Variants in DOCK3 observed in about 807,000 individuals in gnomAD.
The protein encoded by DOCK3 is dedicator of cytokinesis 3.
Under a neutral mutation model 265.6 loss-of-function variants are expected in DOCK3, and 60 were observed. The ratio of observed to expected loss-of-function variants is 0.23; its 90% CI spans 0.18 to 0.28. The LOEUF (loss-of-function observed/expected upper bound fraction) is 0.28. Among genes scored for constraint, DOCK3 ranks in the 10% least tolerant of loss-of-function variants. DOCK3 has a pLI of 1.00. For missense variants in DOCK3, 1,981 were observed against 2,594.3 expected (o/e 0.76, Z 5.14); for synonymous variants, 881 against 938.0 (o/e 0.94, Z 1.11).
In DOCK3 at chr3:51,046,838, CT is replaced by C. The variant is rs560004774; in HGVS notation, c.316-17608del. On this transcript the variant is annotated intron_variant, in intron 5 of 52. Transcript: ENST00000266037. ...AGATCACAAAATAAGTCTTAACACA[CT>C]TAAGAAGTTTGAAATCACTTTAAAT... Among the ~76,000 whole-genome samples, 15 of 152,020 alleles carry C rather than the reference CT, an allele frequency of 9.9e-5. No individual in the cohort carries two copies. The East Asian group carries it at 1.5e-3, about 16-fold the overall frequency.
At position 50,965,594 on chromosome 3, in the gene DOCK3, G is replaced by A. The variant is rs562515259; in HGVS notation, c.315+31517G>A. Among the ~76,000 whole-genome samples, 12 of 152,066 alleles carry A rather than the reference G, an allele frequency of 7.9e-5. No homozygotes were observed. The South Asian group carries it at 1.2e-3, about 16-fold the overall frequency. ...ACTAAGGCTTACTGAAGAAATAGGT[G>A]ATCTATTTCTGTATATAATAACTGT... On this transcript the variant is annotated intron_variant, in intron 5 of 52. Coordinates refer to ENST00000266037, the MANE Select transcript of DOCK3 (RefSeq NM_004947.5).
chr3:51,280,192 A>C lies in DOCK3; in HGVS notation c.2910A>C (p.Lys970Asn), dbSNP rs769731669. Residue 970 changes from lysine (K) to asparagine (N), a missense_variant, in exon 27 of 53, where the codon AAA becomes AAC. Physicochemically the swap from Lys to Asn is moderately conservative, Grantham distance 94. Around this residue, in one of 4 missense-constraint regions of DOCK3, gnomAD observed 1,357 missense variants for 1,866.8 expected, o/e 0.73. Coordinates refer to ENST00000266037, the MANE Select transcript of DOCK3 (RefSeq NM_004947.5). ...ACCTCCTGGACAACTTCCAGAGCAAAGATGAACTCAAGGTAGGCAGTAGAA... is the reference window on the plus strand; with the variant it reads ...ACCTCCTGGACAACTTCCAGAGCAACGATGAACTCAAGGTAGGCAGTAGAA... ...FQHLLDNFQS[K>N]DELKEFLLKI... 1 of 1,613,482 alleles carries C rather than the reference A, an allele frequency of 6.2e-7. No individual in the cohort carries two copies.
intron 5 of DOCK3, among the ~76,000 whole-genome samples, chr3:51,018,291 T>A (rs2079439298): frequency 6.6e-6 from 1 of 151,742 alleles, no homozygotes; most frequent in Non-Finnish European, 1.5e-5. Flanking sequence ...AATTTTGTTT[T>A]TTTCCTAATG....
At chr3:50,967,672 A>G (rs2077071828) in intron 5 of DOCK3, among the ~76,000 whole-genome samples, 2 of 152,204 alleles carry the variant, frequency 1.3e-5, no homozygotes, top group Admixed American at 1.3e-4. Flanking sequence ...CCTTCTTCAC[A>G]TAATGGCAGG....
chr3:50,948,481 G>C (rs1210442267), intron 5 of DOCK3, among the ~76,000 whole-genome samples: 3 of 135,322 alleles, frequency 2.2e-5, no homozygotes, highest in Non-Finnish European at 3.1e-5. Context: ...ATAGCTCACT[G>C]TAAGCTCCAA....
intron 2 of DOCK3, among the ~76,000 whole-genome samples, chr3:50,789,716 A>C (rs942794877): frequency 1.3e-5 from 2 of 151,794 alleles, no homozygotes; most frequent in Non-Finnish European, 2.9e-5. Flanking sequence ...CTAGTTTTTA[A>C]ATCTTTTTTG....
chr3:51,229,203 CA>C lies in DOCK3; in HGVS notation c.1820-308del, dbSNP rs368933382. 3.9e-4 allele frequency among the ~76,000 whole-genome samples: 60 copies of C among 152,288 alleles called. 1 individual carries two copies. In the South Asian group the frequency reaches 0.011, roughly 28 times the overall value. ...CGGTGGCTCATGCCTGTAATCCCAGCACTTTGGGAGGCCGAGGCGGACAGAT... is the reference window on the plus strand; with the variant it reads ...CGGTGGCTCATGCCTGTAATCCCAGCCTTTGGGAGGCCGAGGCGGACAGAT... On this transcript the variant is annotated intron_variant, in intron 18 of 52. Transcript: ENST00000266037.
At chr3:50,903,334 T>C (rs1253598279) in intron 4 of DOCK3, among the ~76,000 whole-genome samples, 2 of 152,198 alleles carry the variant, frequency 1.3e-5, no homozygotes, top group African/African-American at 4.8e-5. Context: ...TTTTGAGTTA[T>C]AGTCCTTCAA....
chr3:51,261,286 G>A (rs373179170), intron 23 of DOCK3, among the ~76,000 whole-genome samples: 3 of 152,072 alleles, frequency 2.0e-5, no homozygotes, highest in African/African-American at 4.8e-5. Context: ...AGGGTGGGGC[G>A]TCGCCTCACC....
chr3:51,294,769 T>C (rs985371257), intron 27 of DOCK3, among the ~76,000 whole-genome samples: 5 of 150,890 alleles, frequency 3.3e-5, no homozygotes, highest in African/African-American at 1.2e-4. Flanking sequence ...GGGCAGTAGA[T>C]AGAGAAAGGG....
At chr3:50,928,497 A>G (rs1409887017) in intron 4 of DOCK3, among the ~76,000 whole-genome samples, 3 of 152,208 alleles carry the variant, frequency 2.0e-5, no homozygotes, top group Non-Finnish European at 4.4e-5. Context: ...TTTAAGGTTG[A>G]ATAATATTCC....
chr3:50,758,983 C>G (rs1238516137), intron 1 of DOCK3, among the ~76,000 whole-genome samples: 1 of 152,122 alleles, frequency 6.6e-6, no homozygotes. Context: ...CCATTGTAGG[C>G]ACGTACCATA....
Position 51,312,549 on chromosome 3 carries a change from C to T in DOCK3, c.3167C>T (p.Ser1056Leu), listed in dbSNP as rs776780068. Residue 1056 changes from serine (S) to leucine (L), a missense_variant, in exon 30 of 53, where the codon TCA (serine) becomes TTA (leucine). Around this residue, in one of 4 missense-constraint regions of DOCK3, gnomAD observed 1,357 missense variants for 1,866.8 expected, o/e 0.73. Transcript: ENST00000266037. ...QPSLQLEIIT[S>L]AKRKKILDKY... is the part of the protein sequence containing the mutation. ...AGCCTTCAGCTAGAAATTATCACCTCAGCCAAAAGGAAGAAGATTCTAGAT... is the reference window on the plus strand; with the variant it reads ...AGCCTTCAGCTAGAAATTATCACCTTAGCCAAAAGGAAGAAGATTCTAGAT... 6.3e-7 allele frequency: 1 copy of T among 1,594,392 alleles called. No individual in the cohort carries two copies. Among genetic ancestry groups the T allele is most frequent in the South Asian group, 1.1e-5 (1 of 87,552 alleles).
chr3:51,354,920 G>A lies in DOCK3; in HGVS notation c.4146G>A (p.Arg1382=), dbSNP rs568304813. 36 of 1,613,832 alleles carry A rather than the reference G, an allele frequency of 2.2e-5. No individual in the cohort carries two copies. The highest frequency in any genetic ancestry group is 2.8e-5 in the Non-Finnish European group (33 of 1,179,878). Residue 1382 remains arginine (R), a synonymous_variant, in exon 41 of 53, where the codon AGG becomes AGA. Transcript: ENST00000266037. Reference sequence around the variant, plus strand: ...TGTGCCGTGGCCATGACTACGAGAGGCTGGAGGCCTTCCAGCAGAGGATGC... The same window carrying A: ...TGTGCCGTGGCCATGACTACGAGAGACTGGAGGCCTTCCAGCAGAGGATGC... ...EYVCRGHDYE[R]LEAFQQRMLS...
At chr3:51,036,465 C>T (rs2080269937) in intron 5 of DOCK3, among the ~76,000 whole-genome samples, 2 of 152,080 alleles carry the variant, frequency 1.3e-5, no homozygotes, top group African/African-American at 4.8e-5. Context: ...AATGGGTGAA[C>T]ATTCTACCTT....
intron 5 of DOCK3, among the ~76,000 whole-genome samples, chr3:50,958,459 C>G (rs1441135044): frequency 6.6e-6 from 1 of 152,158 alleles, no homozygotes; most frequent in Non-Finnish European, 1.5e-5. Context: ...TTTTCGGCCT[C>G]TGTGCCCTCT....
chr3:50,787,518 A>G, intron 2 of DOCK3: 1 of 550,244 alleles, frequency 1.8e-6, no homozygotes, highest in African/African-American at 1.9e-5. Context: ...CTGGGCAACA[A>G]GAGTAAAACT....
At chr3:51,164,711 C>A (rs1011401640) in intron 12 of DOCK3, among the ~76,000 whole-genome samples, 11 of 151,316 alleles carry the variant, frequency 7.3e-5, no homozygotes, top group Non-Finnish European at 1.5e-4. Flanking sequence ...GTGGCATACA[C>A]CTACTATGTA....
At chr3:50,920,249 G>A (rs2050367618) in intron 4 of DOCK3, among the ~76,000 whole-genome samples, 1 of 152,148 alleles carries the variant, frequency 6.6e-6, no homozygotes, top group Admixed American at 6.5e-5. Context: ...GTATCAGGAT[G>A]ATGCTGGCCT....
Sources: gnomAD v4.1 joint callset for allele counts (sites outside exome capture counted in the v4.1 genomes callset) on GRCh38, gnomAD v4.1.1 for gene constraint, gnomAD v4.1.1 regional missense constraint, MANE v1.5 for transcripts, NCBI Gene and HGNC (gene_info 2026-07-23, HGNC 2026-07-21) for gene names.